The following NGF variants were observed in gnomAD, a reference collection of about 807,000 sequenced individuals.
NGF encodes the protein nerve growth factor.
NGF carries 4 observed loss-of-function variants against 12.8 expected under a neutral mutation model. That is an observed-to-expected ratio of 0.31 (90% confidence interval 0.15 to 0.72). The LOEUF is 0.72. Among genes scored for constraint, NGF ranks in the 30% least tolerant of loss-of-function variants. The pLI is 0.69. For synonymous variants in NGF, 140 were observed against 130.0 expected (o/e 1.08, Z -0.52); for missense variants, 283 against 330.8 (o/e 0.86, Z 1.12).
At chr1:115,333,721 TC>T (rs1655016090) in intron 1 of NGF, among the ~76,000 whole-genome samples, 2 of 124,418 alleles carry the variant, frequency 1.6e-5, no homozygotes, top group East Asian at 5.7e-4. Flanking sequence ...TTCTTTTCTT[TC>T]TTTCCTTCTT....
At chr1:115,292,771 G>C (rs1182250920) in intron 2 of NGF, among the ~76,000 whole-genome samples, 1 of 152,168 alleles carries the variant, frequency 6.6e-6, no homozygotes, top group African/African-American at 2.4e-5. Flanking sequence ...TTACCTTCCT[G>C]ATGCCATAAA....
rs755599709 is a variant in NGF, at chr1:115,286,392, A to G, written c.404T>C (p.Val135Ala). The change falls in exon 3 of 3, where the codon GTG (valine) becomes GCG (alanine). Residue 135 changes from valine to alanine, a missense_variant. Transcript: ENST00000369512. ...AACCCACACGCTGACACTGTCACAC[A>G]CCGAGAATTCGCCCCTGTGGAAGAT... The part of the protein sequence containing the change: ...HPIFHRGEFS[V>A]CDSVSVWVGD... The G allele has an allele frequency of 1.2e-6, 2 of 1,613,906 alleles. No homozygotes were observed. The highest frequency in any genetic ancestry group is 1.7e-5 in the Admixed American group (1 of 60,010).
At chr1:115,334,336 T>C (rs1655051428) in intron 1 of NGF, among the ~76,000 whole-genome samples, 1 of 152,210 alleles carries the variant, frequency 6.6e-6, no homozygotes, top group Non-Finnish European at 1.5e-5. Context: ...CTCCCAGTGC[T>C]GCAGACTCCA....
At chr1:115,330,148 C>T (rs1415132541) in intron 1 of NGF, among the ~76,000 whole-genome samples, 1 of 152,164 alleles carries the variant, frequency 6.6e-6, no homozygotes, top group East Asian at 1.9e-4. Context: ...TGCTGGGCAG[C>T]ATCTCGCTTC....
chr1:115,309,501 G>A (rs985245142), intron 1 of NGF, among the ~76,000 whole-genome samples: 4 of 152,054 alleles, frequency 2.6e-5, no homozygotes, highest in Admixed American at 6.5e-5. Context: ...AGGTATACAC[G>A]TGCCATGGTG....
Position 115,322,068 on chromosome 1 carries a change from C to T in NGF, c.-137+16136G>A, listed in dbSNP as rs11466075. On this transcript the variant is annotated intron_variant, in intron 1 of 2. Transcript: ENST00000369512. Reference sequence around the variant, plus strand: ...TAGGAACACAGACAAAATATCCTCACGGCATTTTATAAAGTTTTGGTACCT... The same window carrying T: ...TAGGAACACAGACAAAATATCCTCATGGCATTTTATAAAGTTTTGGTACCT... Among the ~76,000 whole-genome samples, 1,458 of 152,294 alleles carry T rather than the reference C, an allele frequency of 9.6e-3. 27 individuals carry two copies. Among genetic ancestry groups the T allele is most frequent in the African/African-American group, 0.03 (1,226 of 41,544 alleles).
chr1:115,301,024 A>T (rs542319548), intron 1 of NGF, among the ~76,000 whole-genome samples: 2 of 152,200 alleles, frequency 1.3e-5, no homozygotes, highest in African/African-American at 4.8e-5. Context: ...GTCAGGAGAG[A>T]TGAAAACCTG....
At chr1:115,289,425 C>A (rs950191984) in intron 2 of NGF, among the ~76,000 whole-genome samples, 14 of 152,142 alleles carry the variant, frequency 9.2e-5, no homozygotes, top group African/African-American at 3.4e-4. Flanking sequence ...GAGGTTCCCA[C>A]TTCATTCTTG....
intron 1 of NGF, among the ~76,000 whole-genome samples, chr1:115,325,599 A>C (rs751068082): frequency 5.3e-5 from 8 of 152,152 alleles, no homozygotes; most frequent in Non-Finnish European, 1.0e-4. Context: ...ATGGAAATCC[A>C]TGGGAGGCTC....
At chr1:115,306,687 G>T (rs951726927) in intron 1 of NGF, among the ~76,000 whole-genome samples, 48 of 152,206 alleles carry the variant, frequency 3.2e-4, no homozygotes, top group African/African-American at 1.1e-3. Flanking sequence ...AACTCTGGAA[G>T]TTGCTCTAGC....
intron 1 of NGF, among the ~76,000 whole-genome samples, chr1:115,296,986 C>T (rs1653892476): frequency 6.6e-6 from 1 of 152,180 alleles, no homozygotes; most frequent in Non-Finnish European, 1.5e-5. Context: ...GGATCATGTT[C>T]TATTCTTTCT....
chr1:115,333,697 CTTTCTTTCTTTCTTTCT>C (rs755861215), intron 1 of NGF, among the ~76,000 whole-genome samples: 12,721 of 102,288 alleles, frequency 0.12, 976 homozygotes, highest in African/African-American at 0.28. Flanking sequence ...TTCTTTCTTT[CTTTCTTTCTTTCTTTCT>C]TTTCTTTCTT....
chr1:115,308,721 G>A (rs926960195), intron 1 of NGF, among the ~76,000 whole-genome samples: 10 of 151,976 alleles, frequency 6.6e-5, no homozygotes, highest in African/African-American at 2.4e-4. Flanking sequence ...AAGCAATGAA[G>A]GAGGTAAAGA....
chr1:115,327,881 T>C (rs1363100622), intron 1 of NGF, among the ~76,000 whole-genome samples: 2 of 152,230 alleles, frequency 1.3e-5, no homozygotes, highest in African/African-American at 4.8e-5. Flanking sequence ...TTATTTGAAA[T>C]GGACAACTGG....
At chr1:115,297,525 A>G (rs944726352) in intron 1 of NGF, among the ~76,000 whole-genome samples, 11 of 152,324 alleles carry the variant, frequency 7.2e-5, no homozygotes, top group African/African-American at 2.2e-4. Flanking sequence ...AGGTTAATCA[A>G]TAATATTTTG....
chr1:115,290,113 C>T (rs1008892715), intron 2 of NGF, among the ~76,000 whole-genome samples: 1 of 152,158 alleles, frequency 6.6e-6, no homozygotes, highest in Non-Finnish European at 1.5e-5. Context: ...GTAGGGACTG[C>T]TCTGCCTGGC....
At chr1:115,295,022 A>G (rs1300341489) in intron 1 of NGF, among the ~76,000 whole-genome samples, 1 of 152,130 alleles carries the variant, frequency 6.6e-6, no homozygotes, top group African/African-American at 2.4e-5. Flanking sequence ...TGACATCTTA[A>G]CTTTCCTGTC....
rs571171612 is a variant in NGF, at chr1:115,318,992, A to G, written c.-137+19212T>C. On this transcript the variant is annotated intron_variant, in intron 1 of 2. Coordinates refer to ENST00000369512, the MANE Select transcript of NGF (RefSeq NM_002506.3). The stretch of plus-strand genomic sequence containing the variant: ...GTTGAATGGCTTCATGGGACTCCCC[A>G]GATTCAAACTCTGTATGTTCCTGCC... 3.9e-4 allele frequency among the ~76,000 whole-genome samples: 59 copies of G among 152,336 alleles called. No homozygotes were observed. The South Asian group carries it at 0.012, about 30-fold the overall frequency.
intron 1 of NGF, among the ~76,000 whole-genome samples, chr1:115,311,003 T>C (rs965308298): frequency 1.3e-5 from 2 of 152,118 alleles, no homozygotes; most frequent in Admixed American, 6.6e-5. Context: ...CACTTACGCT[T>C]GAGGCCACAT....
Sources: allele counts gnomAD v4.1 joint callset (sites outside exome capture counted in the v4.1 genomes callset), GRCh38; gene constraint gnomAD v4.1.1; transcripts MANE v1.5; gene names NCBI Gene and HGNC (gene_info 2026-07-23, HGNC 2026-07-21).